Variants in IFT46 observed in about 807,000 individuals in gnomAD.
IFT46 encodes the protein intraflagellar transport protein 46 homolog.
IFT46 carries 19 observed loss-of-function variants against 39.6 expected under a neutral mutation model. The observed-to-expected ratio is 0.48, with a 90% CI of 0.33 to 0.70. The LOEUF (loss-of-function observed/expected upper bound fraction) is 0.70. Among genes scored for constraint, IFT46 ranks in the 30% least tolerant of loss-of-function variants. The pLI is 0.01. For synonymous variants in IFT46, 117 were observed against 134.8 expected (o/e 0.87, Z 0.91); for missense variants, 334 against 364.8 (o/e 0.92, Z 0.69).
At chr11:118,573,621 T>C (rs2135526679), upstream of IFT46, 1 of 698,980 alleles carries the variant, frequency 1.4e-6, no homozygotes, top group African/African-American at 1.7e-5. Context: ...TGTCAATAGA[T>C]AACTTGATTT....
chr11:118,564,683 T>TA (rs1278753717), intron 2 of IFT46, among the ~76,000 whole-genome samples: 35 of 150,082 alleles, frequency 2.3e-4, no homozygotes, highest in Admixed American at 6.0e-4. Flanking sequence ...AAACATAAGT[T>TA]AAAAAAAAAG....
In IFT46 at chr11:118,552,246, A is replaced by G. The variant is rs781851410; in HGVS notation, c.573T>C (p.Arg191=). ...TWIESISELH[R]SKPPATVHYT... ...AGTGCACAGTCGCAGGGGGCTTAGA[A>G]CGGTGTAATTCAGAGATGCTCTCAA... Residue 191 remains arginine (R), a synonymous_variant, in exon 8 of 12, where the codon CGT becomes CGC. Transcript: ENST00000264021. The G allele has an allele frequency of 2.0e-5, 32 of 1,614,082 alleles. No individual in the cohort carries two copies. The highest frequency in any genetic ancestry group is 2.6e-5 in the Non-Finnish European group (31 of 1,180,042).
At chr11:118,572,411 C>T (rs1555072560) in intron 1 of IFT46, 1 of 579,954 alleles carries the variant, frequency 1.7e-6, no homozygotes, top group African/African-American at 2.0e-5. Context: ...GGGCCGCCAT[C>T]TTGGCAAGAG....
chr11:118,555,974 A>G (rs1159639129), intron 4 of IFT46, among the ~76,000 whole-genome samples: 1 of 152,090 alleles, frequency 6.6e-6, no homozygotes. Flanking sequence ...TGCACCAGAA[A>G]AAAAAAATTA....
At chr11:118,549,769 C>T (rs1381819160) in intron 9 of IFT46, among the ~76,000 whole-genome samples, 6 of 151,560 alleles carry the variant, frequency 4.0e-5, no homozygotes, top group Admixed American at 6.6e-5. Context: ...ATGATCAGCC[C>T]GCCTCGGCCT....
At chr11:118,547,851 A>G (rs1385903184) in intron 9 of IFT46, among the ~76,000 whole-genome samples, 2 of 140,840 alleles carry the variant, frequency 1.4e-5, no homozygotes, top group African/African-American at 5.4e-5. Context: ...GGTTCACGCC[A>G]TTCTCCTGCC....
chr11:118,546,382 T>C (rs1951687031), intron 9 of IFT46: 6 of 500,654 alleles, frequency 1.2e-5, no homozygotes, highest in Middle Eastern at 5.6e-4. Flanking sequence ...TCCCAGCTAC[T>C]TGGGAGGCTG....
rs1937762389 is a variant in IFT46, at chr11:118,554,528, A to G, written c.414T>C (p.Ser138=). Residue 138 remains serine (S), a synonymous_variant, in exon 7 of 12, where the codon TCT becomes TCC. Transcript: ENST00000264021. ...NLGLLVLDEP[S]TKQSDPTVLS... ...GCACCGTAGGGTCTGACTGCTTTGT[A>G]GAAGGTTCATCCAATACCAATAGGC... 1.2e-6 allele frequency: 2 copies of G among 1,613,634 alleles called. No homozygotes were observed. The highest frequency in any genetic ancestry group is 1.7e-6 in the Non-Finnish European group (2 of 1,179,884).
In IFT46 at chr11:118,544,974, G is replaced by A. The variant is rs782038843; in HGVS notation, c.857C>T (p.Thr286Ile). 1 of 1,613,736 alleles carries A rather than the reference G, an allele frequency of 6.2e-7. No homozygotes were observed. Among genetic ancestry groups the A allele is most frequent in the Admixed American group, 1.7e-5 (1 of 59,984 alleles). Residue 286 changes from threonine (T) to isoleucine (I), a missense_variant, in exon 12 of 12, where the codon ACT becomes ATT. Physicochemically the swap from Thr to Ile is moderately conservative, Grantham distance 89 (BLOSUM62 -1). Transcript: ENST00000264021. ...KALAEGKKAF[T>I]PSSNSTSQAG... ...TTGGGAGGTGGAATTGGATGAAGGA[G>A]TGAATGCTTTCTTGCCTTCAGCGAG...
At chr11:118,546,059 T>C (rs1055341728) in intron 9 of IFT46, 12 of 713,410 alleles carry the variant, frequency 1.7e-5, no homozygotes, top group Non-Finnish European at 3.1e-5. Context: ...AAAGAGATAA[T>C]TAAATTAAAA....
rs1240044404 is a variant in IFT46, at chr11:118,572,758, C to T, written c.-295G>A. On this transcript the variant is annotated 5_prime_UTR_variant, in exon 1 of 6. Coordinates refer to the IFT46 transcript ENST00000528378. ...GACTCCAGTCCATCTGTCGTCGTGC[C>T]CGCTTCCGCACCACCCCCCAACCAG... 15 of 521,490 alleles carry T rather than the reference C, an allele frequency of 2.9e-5. 1 individual carries two copies. The South Asian group carries it at 4.4e-4, about 15-fold the overall frequency. 32.3% of individuals were successfully genotyped at this position (521,490 alleles called of 1,614,324 possible).
chr11:118,563,601 A>G (rs1555070933), intron 2 of IFT46, among the ~76,000 whole-genome samples: 1 of 152,066 alleles, frequency 6.6e-6, no homozygotes, highest in Non-Finnish European at 1.5e-5. Flanking sequence ...CCAAGCCACT[A>G]TCATCTCAAC....
chr11:118,575,411 G>GGTGT (rs56934953), upstream of IFT46, among the ~76,000 whole-genome samples: 643 of 149,172 alleles, frequency 4.3e-3, 2 homozygotes, highest in African/African-American at 7.3e-3. Context: ...ACTGATAACG[G>GGTGT]GTGTGTGTGT....
In IFT46 at chr11:118,549,812, T is replaced by C. The variant is rs185720431; in HGVS notation, c.672+1974A>G. ...TGCTGGGATTACAGGCGTGAGCCAC[T>C]GTGGCTGGCCTTTTCTTTTGGTTTT... On this transcript the variant is annotated intron_variant, in intron 9 of 11. Coordinates refer to ENST00000264021, the MANE Select transcript of IFT46 (RefSeq NM_001168618.2). Among the ~76,000 whole-genome samples, 1,385 of 150,104 alleles carry C rather than the reference T, an allele frequency of 9.2e-3. 24 individuals carry two copies. The highest frequency in any genetic ancestry group is 0.031 in the African/African-American group (1,264 of 40,900).
intron 9 of IFT46, 24 bp downstream of exon 9, chr11:118,551,762 T>C: frequency 1.3e-6 from 2 of 1,582,416 alleles, no homozygotes; most frequent in Non-Finnish European, 8.7e-7. Flanking sequence ...TTTCTTACCC[T>C]ACCTCCTGCT....
upstream of IFT46, chr11:118,573,688 A>G (rs1039199048): frequency 6.3e-5 from 44 of 702,726 alleles, no homozygotes; most frequent in Non-Finnish European, 9.9e-5. Context: ...GGCAATCCTA[A>G]TAAGTTCTAT....
chr11:118,562,741 C>T (rs1233842708), intron 2 of IFT46, among the ~76,000 whole-genome samples: 1 of 152,072 alleles, frequency 6.6e-6, no homozygotes, highest in Non-Finnish European at 1.5e-5. Context: ...GAAAACAACC[C>T]GAGTGTCCAT....
intron 7 of IFT46, among the ~76,000 whole-genome samples, chr11:118,552,952 G>T (rs1250093098): frequency 6.6e-6 from 1 of 151,242 alleles, no homozygotes; most frequent in Non-Finnish European, 1.5e-5. Flanking sequence ...AGGCATGATG[G>T]CACACACCTG....
chr11:118,575,479 T>C (rs1340765749), upstream of IFT46, among the ~76,000 whole-genome samples: 1 of 151,928 alleles, frequency 6.6e-6, no homozygotes, highest in African/African-American at 2.4e-5. Flanking sequence ...AGAAATGTGA[T>C]GGACTTAAAA....
Sources: gnomAD v4.1 joint callset for allele counts (sites outside exome capture counted in the v4.1 genomes callset) on GRCh38, gnomAD v4.1.1 for gene constraint, MANE v1.5 for transcripts, NCBI Gene and HGNC (gene_info 2026-07-23, HGNC 2026-07-21) for gene names.